The following AHDC1 variants were observed in gnomAD, a reference collection of about 807,000 sequenced individuals.
AHDC1 encodes the protein transcription factor Gibbin.
In AHDC1, 7 loss-of-function variants were observed where a neutral mutation model predicts 87.9. The ratio of observed to expected loss-of-function variants is 0.08; its 90% CI spans 0.05 to 0.15. The LOEUF (loss-of-function observed/expected upper bound fraction) is 0.15. AHDC1 is among the 10% of genes least tolerant of loss of function. The pLI is 1.00. For missense variants in AHDC1, 1,841 were observed against 2,253.2 expected (o/e 0.82, Z 3.70); for synonymous variants, 1,051 against 1,006.8 (o/e 1.04, Z -0.83).
rs1312809799 is a variant in AHDC1, at chr1:27,560,534, G to A, written c.-628-1651C>T. Reference sequence around the variant, plus strand: ...TCAGTGTTGCCTCCCTCCCACCTCTGCCTTTCTCTGGGTTTTCAGGGTCAT... The same window carrying A: ...TCAGTGTTGCCTCCCTCCCACCTCTACCTTTCTCTGGGTTTTCAGGGTCAT... On this transcript the variant is annotated intron_variant, in intron 3 of 8. Transcript: ENST00000673934. The surrounding 1 kb of genome is among the most constrained non-coding windows in gnomAD (Gnocchi z 4.1). Among the ~76,000 whole-genome samples the A allele has an allele frequency of 6.6e-6, 1 of 152,046 alleles. No individual in the cohort carries two copies. Among genetic ancestry groups the A allele is most frequent in the East Asian group, 1.9e-4 (1 of 5,176 alleles).
chr1:27,595,319 G>A lies in AHDC1; in HGVS notation c.-629+8078C>T, dbSNP rs747584979. On this transcript the variant is annotated intron_variant, in intron 3 of 8. Coordinates refer to ENST00000673934, the MANE Select transcript of AHDC1 (RefSeq NM_001371928.1). The surrounding 1 kb of genome is among the most constrained non-coding windows in gnomAD (Gnocchi z 4.0). ...ACGTTGGGGGCTGTGGGCAGAGTGTGTGTGTCTGGGGAGGTGTCAGGGCTT... is the reference window on the plus strand; with the variant it reads ...ACGTTGGGGGCTGTGGGCAGAGTGTATGTGTCTGGGGAGGTGTCAGGGCTT... Among the ~76,000 whole-genome samples the A allele has an allele frequency of 2.0e-5, 3 of 151,966 alleles. No homozygotes were observed. The highest frequency in any genetic ancestry group is 2.9e-5 in the Non-Finnish European group (2 of 67,998).
chr1:27,585,316 T>C (rs1186346811), intron 3 of AHDC1, among the ~76,000 whole-genome samples: 1 of 150,702 alleles, frequency 6.6e-6, no homozygotes, highest in Non-Finnish European at 1.5e-5. Flanking sequence ...GATCCTAGCC[T>C]TCCAAGTTCA....
intron 8 of AHDC1, among the ~76,000 whole-genome samples, chr1:27,536,240 C>T (rs986262845): frequency 6.6e-5 from 10 of 152,328 alleles, no homozygotes; most frequent in Admixed American, 3.9e-4. Context: ...GCCCCGGGGA[C>T]GACTTTTGTC....
At chr1:27,591,908 C>T (rs1374384274) in intron 3 of AHDC1, among the ~76,000 whole-genome samples, 3 of 152,102 alleles carry the variant, frequency 2.0e-5, no homozygotes, top group Non-Finnish European at 2.9e-5. Flanking sequence ...ACAATGGTAG[C>T]GATCATAATT....
intron 3 of AHDC1, among the ~76,000 whole-genome samples, chr1:27,591,632 C>T (rs943590219): frequency 5.3e-5 from 8 of 152,248 alleles, no homozygotes; most frequent in African/African-American, 1.9e-4. Context: ...TTTTCCAGTC[C>T]CTGAGAGAGG....
In AHDC1 at chr1:27,593,946, T is replaced by C. The variant is rs1490566242; in HGVS notation, c.-629+9451A>G. Among the ~76,000 whole-genome samples, 1 of 152,156 alleles carries C rather than the reference T, an allele frequency of 6.6e-6. No homozygotes were observed. Among genetic ancestry groups the C allele is most frequent in the African/African-American group, 2.4e-5 (1 of 41,428 alleles). On this transcript the variant is annotated intron_variant, in intron 3 of 8. Transcript: ENST00000673934. This position sits in a 1 kb window ranked among gnomAD's most constrained non-coding sequence, Gnocchi z 4.9. ...GTCTTGGGGATCAGTGGAGCCCTTC[T>C]GTGAGCCTTCCCTCAGCAAGAGAGG...
rs1260972634 is a variant in AHDC1 at position 27,562,198 on chromosome 1, C to T, written c.-628-3315G>A. On this transcript the variant is annotated intron_variant, in intron 3 of 8. Coordinates refer to ENST00000673934, the MANE Select transcript of AHDC1 (RefSeq NM_001371928.1). The surrounding 1 kb of genome is among the most constrained non-coding windows in gnomAD (Gnocchi z 4.4). ...GGGATGTGTGGGCAGGGGGAGTGGA[C>T]GCGCCCAAGCTGGCTCGGCGGGGGC... 6.6e-6 allele frequency among the ~76,000 whole-genome samples: 1 copy of T among 152,050 alleles called. No homozygotes were observed. The highest frequency in any genetic ancestry group is 1.5e-5 in the Non-Finnish European group (1 of 67,982).
At chr1:27,600,175 T>TCCCCCGC (rs1315873658) in intron 3 of AHDC1, among the ~76,000 whole-genome samples, 17 of 151,336 alleles carry the variant, frequency 1.1e-4, no homozygotes, top group Non-Finnish European at 1.8e-4. Context: ...TGTGGGTCGC[T>TCCCCCGC]CCCCCGCCCC....
intron 5 of AHDC1, among the ~76,000 whole-genome samples, chr1:27,554,057 A>G (rs1334683713): frequency 6.6e-6 from 1 of 152,138 alleles, no homozygotes; most frequent in Admixed American, 6.5e-5. Flanking sequence ...CAGCAGAGTG[A>G]GATCCTTTCT....
intron 3 of AHDC1, among the ~76,000 whole-genome samples, chr1:27,585,435 A>C (rs879447006): frequency 6.6e-6 from 1 of 152,128 alleles, no homozygotes; most frequent in Non-Finnish European, 1.5e-5. Flanking sequence ...AAAGGGCTGC[A>C]ATAATAATTA....
At position 27,550,182 on chromosome 1, in the gene AHDC1, G is replaced by A. The variant is rs756803648; in HGVS notation, c.1934C>T (p.Ser645Leu). ...CTGGGTGTCGGGGGCCTGGTGCACC[G>A]ACTCCGGCTCACTGGGTGTCCAGCA... is the stretch of plus-strand genomic sequence containing the variant. ...PRCWTPSEPE[S>L]VHQAPDTQSI... Residue 645 changes from serine to leucine, a missense_variant, in exon 8 of 9, where the codon TCG becomes TTG. Physicochemically the swap from Ser to Leu is moderately radical, Grantham distance 145. Transcript: ENST00000673934. 3 of 1,612,042 alleles carry A rather than the reference G, an allele frequency of 1.9e-6. No individual in the cohort carries two copies. The highest frequency in any genetic ancestry group is 2.5e-6 in the Non-Finnish European group (3 of 1,179,812).
At position 27,547,219 on chromosome 1, in the gene AHDC1, C is replaced by A. The variant is rs2019207449; in HGVS notation, c.*43+42G>T. 6.6e-6 allele frequency: 9 copies of A among 1,361,072 alleles called. No individual in the cohort carries two copies. Among genetic ancestry groups the A allele is most frequent in the Non-Finnish European group, 9.0e-6 (9 of 1,004,730 alleles). 84.3% of individuals were successfully genotyped at this position (1,361,072 alleles called of 1,614,324 possible). On this transcript the variant is annotated intron_variant, in intron 8 of 8. Coordinates refer to ENST00000673934, the MANE Select transcript of AHDC1 (RefSeq NM_001371928.1). This position sits in a 1 kb window ranked among gnomAD's most constrained non-coding sequence, Gnocchi z 4.9. ...CCTAAGCTCTGATGTCCTCTTCCCACCCCCAGGCCTCTGCCCACTGCGCCC... is the reference window on the plus strand; with the variant it reads ...CCTAAGCTCTGATGTCCTCTTCCCAACCCCAGGCCTCTGCCCACTGCGCCC...
intron 8 of AHDC1, among the ~76,000 whole-genome samples, chr1:27,545,044 T>C (rs1001694279): frequency 1.3e-5 from 2 of 152,062 alleles, no homozygotes; most frequent in Non-Finnish European, 2.9e-5. Flanking sequence ...CTGTTCCCTC[T>C]GCCCAGAATG....
Position 27,542,692 on chromosome 1 carries a change from G to C in AHDC1, c.*43+4569C>G, listed in dbSNP as rs2148225383. ...AAGGGATGGAACTGGGTTGTGCATA[G>C]AGGCCTATCTGTGTCCACAGGCAGG... On this transcript the variant is annotated intron_variant, in intron 8 of 8. Coordinates refer to ENST00000673934, the MANE Select transcript of AHDC1 (RefSeq NM_001371928.1). 2.0e-5 allele frequency among the ~76,000 whole-genome samples: 3 copies of C among 152,356 alleles called. No homozygotes were observed. The East Asian group carries it at 5.8e-4, about 29-fold the overall frequency.
At chr1:27,554,810 G>GA (rs2148313567) in intron 5 of AHDC1, among the ~76,000 whole-genome samples, 1 of 152,318 alleles carries the variant, frequency 6.6e-6, no homozygotes, top group African/African-American at 2.4e-5. Context: ...GGATAAAGTA[G>GA]AAAGAGACAC....
intron 3 of AHDC1, among the ~76,000 whole-genome samples, chr1:27,564,387 C>T (rs1021977813): frequency 2.0e-5 from 3 of 152,232 alleles, no homozygotes; most frequent in Non-Finnish European, 4.4e-5. Context: ...GGGCTCCAGC[C>T]CGCCTCCCCT....
At position 27,549,059 on chromosome 1, in the gene AHDC1, G is replaced by A; in HGVS notation, c.3057C>T (p.Gly1019=). The part of the protein sequence containing the change: ...PASPSSAHSA[G]YAPPPTGGPC... ...GGCCCCCGGTAGGCGGTGGGGCATA[G>A]CCGGCGCTGTGGGCGCTGCTGGGTG... Residue 1019 remains glycine (G), a synonymous_variant, in exon 8 of 9, where the codon GGC becomes GGT. Coordinates refer to ENST00000673934, the MANE Select transcript of AHDC1 (RefSeq NM_001371928.1). 1 of 1,572,378 alleles carries A rather than the reference G, an allele frequency of 6.4e-7. No homozygotes were observed. Among genetic ancestry groups the A allele is most frequent in the Non-Finnish European group, 8.6e-7 (1 of 1,158,626 alleles).
chr1:27,560,223 T>TGA lies in AHDC1; in HGVS notation c.-628-1342_-628-1341dup, dbSNP rs1386918996. ...TTTTGTGTGTGTGTGTGTGTGTGTG[T>TGA]GAGTCTAGCTAAGCCTGTTTGTGTG... On this transcript the variant is annotated intron_variant, in intron 3 of 8. Transcript: ENST00000673934. This position sits in a 1 kb window ranked among gnomAD's most constrained non-coding sequence, Gnocchi z 4.1. Among the ~76,000 whole-genome samples, 2 of 151,774 alleles carry TGA rather than the reference T, an allele frequency of 1.3e-5. No homozygotes were observed. The highest frequency in any genetic ancestry group is 6.6e-5 in the Admixed American group (1 of 15,254).
chr1:27,571,557 G>A (rs2088513953), intron 3 of AHDC1, among the ~76,000 whole-genome samples: 1 of 151,906 alleles, frequency 6.6e-6, no homozygotes, highest in African/African-American at 2.4e-5. Context: ...TCAGGGCTGA[G>A]GGACAGCCCC....
Sources: allele counts gnomAD v4.1 joint callset (sites outside exome capture counted in the v4.1 genomes callset), GRCh38; gene constraint gnomAD v4.1.1; non-coding constraint Gnocchi (gnomAD v3.1); transcripts MANE v1.5; gene names NCBI Gene and HGNC (gene_info 2026-07-23, HGNC 2026-07-21).